POLK: variants seen among roughly 807,000 people sequenced by gnomAD.
POLK encodes DNA polymerase kappa.
A neutral mutation model predicts 94.0 loss-of-function variants in POLK; 76 were observed. The ratio of observed to expected loss-of-function variants is 0.81; its 90% confidence interval spans 0.67 to 0.98. POLK has a LOEUF of 0.98. Among genes scored for constraint, POLK ranks in the 50% least tolerant of loss-of-function variants. The pLI, the probability that POLK is intolerant of heterozygous loss-of-function variation, is 0.00. For synonymous variants in POLK, 349 were observed against 325.4 expected (o/e 1.07, Z -0.78); for missense variants, 954 against 1,010.1 (o/e 0.94, Z 0.75).
intron 5 of POLK, 152 bp from the exon 6 acceptor site, chr5:75,576,628 G>A (rs1049671093): frequency 1.5e-5 from 6 of 397,814 alleles, no homozygotes; most frequent in Admixed American, 4.4e-5. Flanking sequence ...CCCTGGTAGT[G>A]GATTATTTAT....
chr5:75,529,574 G>C (rs1399098227), intron 1 of POLK, among the ~76,000 whole-genome samples: 2 of 152,090 alleles, frequency 1.3e-5, no homozygotes, highest in Non-Finnish European at 2.9e-5. Context: ...TGTATAAATA[G>C]TTGTTATACT....
intron 11 of POLK, among the ~76,000 whole-genome samples, chr5:75,593,261 C>T (rs764926550): frequency 4.0e-5 from 6 of 151,766 alleles, no homozygotes; most frequent in Admixed American, 2.0e-4. Flanking sequence ...CCTCCCCAGC[C>T]GCTGGGATTA....
intron 3 of POLK, among the ~76,000 whole-genome samples, chr5:75,559,365 C>A (rs903827580): frequency 2.6e-5 from 4 of 151,980 alleles, no homozygotes; most frequent in African/African-American, 9.7e-5. Context: ...AAAGCACAGT[C>A]ATTTTTGTAA....
At chr5:75,600,658 A>G (rs1341491264) in exon 15 of POLK, 2 of 152,206 alleles carry the variant, frequency 1.3e-5, no homozygotes, top group Non-Finnish European at 2.9e-5. Context: ...ATATTCAGCA[A>G]TGGTAGAATG....
At chr5:75,569,340 G>T (rs1230101077) in exon 4 of POLK, 2 of 1,602,938 alleles carry the variant, frequency 1.2e-6, no homozygotes, top group South Asian at 1.1e-5. Context: ...AAAAATTAAG[G>T]TTGACAGATT....
At chr5:75,591,622 A>G (rs970429981) in intron 11 of POLK, among the ~76,000 whole-genome samples, 4 of 152,144 alleles carry the variant, frequency 2.6e-5, no homozygotes, top group African/African-American at 9.7e-5. Flanking sequence ...TTTTCCATTA[A>G]TGTCGTCTCT....
intron 2 of POLK, among the ~76,000 whole-genome samples, chr5:75,551,767 G>A (rs1210936425): frequency 6.6e-6 from 1 of 152,186 alleles, no homozygotes; most frequent in Non-Finnish European, 1.5e-5. Context: ...CGTTGCTGAT[G>A]GGATTTAAAA....
At chr5:75,597,060 A>C (rs961989731) in exon 13 of POLK, 1 of 1,613,192 alleles carries the variant, frequency 6.2e-7, no homozygotes, top group Non-Finnish European at 8.5e-7. Context: ...AAAAGACTTC[A>C]GATCTAACCC....
chr5:75,604,663 C>T (rs1274775266), downstream of POLK, among the ~76,000 whole-genome samples: 2 of 152,194 alleles, frequency 1.3e-5, no homozygotes, highest in Non-Finnish European at 2.9e-5. Flanking sequence ...CAGGCATCAG[C>T]CACCATGCCT....
At chr5:75,522,393 C>T (rs1472111657) in intron 1 of POLK, among the ~76,000 whole-genome samples, 1 of 152,106 alleles carries the variant, frequency 6.6e-6, no homozygotes, top group Non-Finnish European at 1.5e-5. Context: ...TAGCAATAAT[C>T]TCAGCACCAT....
intron 1 of POLK, among the ~76,000 whole-genome samples, chr5:75,534,469 G>C (rs1769349898): frequency 6.6e-6 from 1 of 152,052 alleles, no homozygotes; most frequent in Admixed American, 6.5e-5. Flanking sequence ...CTCCTGTACT[G>C]TTTTATTGTA....
intron 12 of POLK, among the ~76,000 whole-genome samples, chr5:75,595,272 A>AAAAAAAAAAAAAAAC (rs1773015667): frequency 2.7e-5 from 4 of 148,976 alleles, no homozygotes; most frequent in Non-Finnish European, 4.4e-5. Flanking sequence ...AAAAAAAAAA[A>AAAAAAAAAAAAAAAC]AGCCCAAGAG....
chr5:75,597,631 C>CT, intron 13 of POLK, 116 bp from the exon 14 acceptor site: 2 of 501,468 alleles, frequency 4.0e-6, no homozygotes, highest in Middle Eastern at 5.5e-4. Context: ...TACATATGAA[C>CT]TATATAGTAC....
chr5:75,595,907 T>C (rs907383295), intron 12 of POLK, among the ~76,000 whole-genome samples: 1 of 152,064 alleles, frequency 6.6e-6, no homozygotes, highest in African/African-American at 2.4e-5. Context: ...AAATAAAGTC[T>C]ATTAGAAAAA....
In POLK at chr5:75,593,869, A is replaced by G. The variant is rs745901151; in HGVS notation, c.1357-9A>G. 1.3e-6 allele frequency: 2 copies of G among 1,481,658 alleles called. No homozygotes were observed. Among genetic ancestry groups the G allele is most frequent in the African/African-American group, 1.4e-5 (1 of 71,324 alleles). The allele number at this position is 1,481,658 out of a possible 1,614,324, so 91.8% of individuals were successfully genotyped here. On this transcript the variant is annotated splice_polypyrimidine_tract_variant and intron_variant, in intron 11 of 14. Transcript: ENST00000241436. ...TAAATAAATAAATAACATATTGTAT[A>G]TGTTATAGGGTAGAACTGTTACCAT...
the POLK span, among the ~76,000 whole-genome samples, chr5:75,607,560 C>A: frequency 6.6e-6 from 1 of 151,552 alleles, no homozygotes; most frequent in African/African-American, 2.4e-5. Context: ...CCTCTTCTTT[C>A]TATTTCTCTG....
At chr5:75,595,675 G>T (rs898116347) in intron 12 of POLK, among the ~76,000 whole-genome samples, 4 of 152,172 alleles carry the variant, frequency 2.6e-5, no homozygotes. Flanking sequence ...AATTTGTCCA[G>T]CGCCCAGGAT....
At chr5:75,587,910 ACT>A (rs1390276826) in intron 10 of POLK, among the ~76,000 whole-genome samples, 5 of 152,202 alleles carry the variant, frequency 3.3e-5, no homozygotes, top group African/African-American at 1.2e-4. Context: ...ACAGAGTGAG[ACT>A]CTGTCTCAAA....
At chr5:75,514,119 C>T (rs892699411) in intron 1 of POLK, among the ~76,000 whole-genome samples, 1 of 151,846 alleles carries the variant, frequency 6.6e-6, no homozygotes, top group Non-Finnish European at 1.5e-5. Flanking sequence ...TATACTTTAT[C>T]CCTGTTTAAG....
Sources: allele counts gnomAD v4.1 joint callset (sites outside exome capture counted in the v4.1 genomes callset), GRCh38; gene constraint gnomAD v4.1.1; transcripts MANE v1.5; gene names NCBI Gene and HGNC (gene_info 2026-07-23, HGNC 2026-07-21).